The following HIVEP1 variants were observed in gnomAD, a reference collection of about 807,000 sequenced individuals.
The protein encoded by HIVEP1 is zinc finger protein 40.
Under a neutral mutation model 180.0 loss-of-function variants are expected in HIVEP1, and 36 were observed. That is an observed-to-expected ratio of 0.20 (90% CI 0.15 to 0.26). The LOEUF (loss-of-function observed/expected upper bound fraction) is 0.26. HIVEP1 is among the 10% of genes least tolerant of loss of function. The pLI is 1.00. For missense variants in HIVEP1, 3,143 were observed against 3,268.7 expected (o/e 0.96, Z 0.94); for synonymous variants, 1,239 against 1,239.0 (o/e 1.00, Z 0.00).
At chr6:12,015,830 A>G (rs1222985554) in intron 2 of HIVEP1, among the ~76,000 whole-genome samples, 162 bp downstream of exon 2, 1 of 152,254 alleles carries the variant, frequency 6.6e-6, no homozygotes, top group African/African-American at 2.4e-5. Flanking sequence ...CCTGTCTCTC[A>G]GGAGATACTT....
intron 2 of HIVEP1, among the ~76,000 whole-genome samples, chr6:12,058,150 A>G (rs1270648819): frequency 6.6e-6 from 1 of 152,174 alleles, no homozygotes; most frequent in Non-Finnish European, 1.5e-5. Context: ...TGATTGTTTC[A>G]AACCAAAATG....
the HIVEP1 span, among the ~76,000 whole-genome samples, chr6:12,209,547 A>T: frequency 6.6e-6 from 1 of 152,228 alleles, no homozygotes; most frequent in East Asian, 1.9e-4. Context: ...TGAAGGCAGA[A>T]ATTTTTGTCT....
intron 3 of HIVEP1, 98 bp downstream of exon 3, chr6:12,089,335 A>T (rs1773309486): frequency 3.1e-6 from 2 of 640,334 alleles, no homozygotes; most frequent in East Asian, 5.6e-5. Flanking sequence ...CAGTATAGAC[A>T]TATCACAAAA....
At chr6:12,202,118 C>T in the HIVEP1 span, among the ~76,000 whole-genome samples, 2 of 152,110 alleles carry the variant, frequency 1.3e-5, no homozygotes, top group East Asian at 1.9e-4. Flanking sequence ...TAATTTTCTA[C>T]TGCATTCTAT....
chr6:12,198,167 T>C, the HIVEP1 span, among the ~76,000 whole-genome samples: 3 of 152,142 alleles, frequency 2.0e-5, no homozygotes, highest in Non-Finnish European at 2.9e-5. Context: ...CTAGAGACCA[T>C]AGTCTCTATA....
chr6:12,109,684 A>C (rs139992167), intron 3 of HIVEP1, among the ~76,000 whole-genome samples: 129 of 152,302 alleles, frequency 8.5e-4, no homozygotes, highest in African/African-American at 2.8e-3. Flanking sequence ...TCCTCCACTG[A>C]AGTCTTGAAT....
chr6:12,041,320 G>A (rs1485458190), intron 2 of HIVEP1, among the ~76,000 whole-genome samples: 4 of 151,312 alleles, frequency 2.6e-5, no homozygotes, highest in Admixed American at 6.6e-5. Flanking sequence ...TACTTGGGAG[G>A]CTGAGGCAGG....
intron 2 of HIVEP1, among the ~76,000 whole-genome samples, chr6:12,046,093 T>G (rs1770098001): frequency 2.0e-5 from 3 of 152,240 alleles, no homozygotes; most frequent in Admixed American, 2.0e-4. Context: ...TTAAATAATT[T>G]TAGCAATATA....
intron 3 of HIVEP1, among the ~76,000 whole-genome samples, chr6:12,096,982 A>G (rs1332775807): frequency 2.0e-5 from 3 of 152,076 alleles, no homozygotes; most frequent in Admixed American, 6.5e-5. Flanking sequence ...GGTATTGACA[A>G]TTTACAAAAT....
chr6:12,057,475 A>G (rs1432875544), intron 2 of HIVEP1, among the ~76,000 whole-genome samples: 1 of 152,198 alleles, frequency 6.6e-6, no homozygotes, highest in Non-Finnish European at 1.5e-5. Flanking sequence ...AGTATATGGT[A>G]TATGGTCTAG....
Position 12,089,220 on chromosome 6 carries a change from C to A in HIVEP1, c.77C>A (p.Ala26Glu). Residue 26 changes from alanine (A) to glutamate (E), a missense_variant, in exon 3 of 9, where the codon GCA (alanine) becomes GAA (glutamate). By Grantham distance (107) the Ala-to-Glu change is moderately radical. Around this residue, in one of 12 missense-constraint regions of HIVEP1, gnomAD observed 114 missense variants for 134.5 expected, o/e 0.85. Transcript: ENST00000379388. ...IEEAQKELNG[A>E]EVSKKEILQA... Reference sequence around the variant, plus strand: ...GAAGCACAAAAAGAACTTAATGGGGCAGAAGTTTCAAAAAAAGGTAAATTA... The same window carrying A: ...GAAGCACAAAAAGAACTTAATGGGGAAGAAGTTTCAAAAAAAGGTAAATTA... 6.4e-7 allele frequency: 1 copy of A among 1,564,308 alleles called. No individual in the cohort carries two copies. The highest frequency in any genetic ancestry group is 8.8e-7 in the Non-Finnish European group (1 of 1,140,390).
intron 2 of HIVEP1, among the ~76,000 whole-genome samples, chr6:12,034,415 GT>G (rs1488230988): frequency 6.6e-6 from 1 of 152,244 alleles, no homozygotes; most frequent in Non-Finnish European, 1.5e-5. Context: ...CTTAGCAAAT[GT>G]TTGATAAATA....
At chr6:12,188,689 T>C in the HIVEP1 span, among the ~76,000 whole-genome samples, 9 of 151,986 alleles carry the variant, frequency 5.9e-5, no homozygotes, top group African/African-American at 9.7e-5. Context: ...TGCTAATGAG[T>C]AACATAAAAA....
At chr6:12,045,540 A>G (rs1403531505) in intron 2 of HIVEP1, among the ~76,000 whole-genome samples, 1 of 152,222 alleles carries the variant, frequency 6.6e-6, no homozygotes, top group African/African-American at 2.4e-5. Flanking sequence ...GTCTCCTGGG[A>G]TTGTGCAGTG....
At chr6:12,170,531 C>T in the HIVEP1 span, among the ~76,000 whole-genome samples, 1 of 152,262 alleles carries the variant, frequency 6.6e-6, no homozygotes, top group South Asian at 2.1e-4. Context: ...TGAAACCTTG[C>T]CATGCAGATG....
At chr6:12,011,135 G>A (rs930288913), upstream of HIVEP1, among the ~76,000 whole-genome samples, 2 of 152,126 alleles carry the variant, frequency 1.3e-5, no homozygotes, top group Admixed American at 1.3e-4. Context: ...GGGTTAACAT[G>A]TCCCCTTCCA....
chr6:12,192,249 A>G, the HIVEP1 span, among the ~76,000 whole-genome samples: 1 of 151,526 alleles, frequency 6.6e-6, no homozygotes, highest in Non-Finnish European at 1.5e-5. Context: ...TTTCATAGAA[A>G]TGTGTGTGTG....
the HIVEP1 span, among the ~76,000 whole-genome samples, chr6:12,170,099 C>T: frequency 2.7e-5 from 4 of 150,902 alleles, no homozygotes; most frequent in Admixed American, 6.6e-5. Flanking sequence ...CCAGCCTGGG[C>T]GACAGAGTGA....
chr6:12,115,719 G>A (rs1411702472), intron 3 of HIVEP1, among the ~76,000 whole-genome samples: 5 of 152,080 alleles, frequency 3.3e-5, no homozygotes, highest in African/African-American at 1.2e-4. Flanking sequence ...AGAGGGTTGT[G>A]TTTCAATGCT....
Sources: gnomAD v4.1 joint callset for allele counts (sites outside exome capture counted in the v4.1 genomes callset) on GRCh38, gnomAD v4.1.1 for gene constraint, gnomAD v4.1.1 regional missense constraint, MANE v1.5 for transcripts, NCBI Gene and HGNC (gene_info 2026-07-23, HGNC 2026-07-21) for gene names.